Variants in MTUS1 observed in about 807,000 individuals in gnomAD.
The protein encoded by MTUS1 is microtubule-associated tumor suppressor 1.
MTUS1 carries 109 observed loss-of-function variants against 120.8 expected under a neutral mutation model. The observed-to-expected ratio is 0.90, with a 90% confidence interval of 0.77 to 1.06. The LOEUF is 1.06. Ranked by LOEUF, MTUS1 falls within the 50% of genes least tolerant of loss-of-function variation. The pLI is 0.00. For missense variants in MTUS1, 2,210 were observed against 1,486.3 expected (o/e 1.49, Z -8.01); for synonymous variants, 737 against 550.5 (o/e 1.34, Z -4.74).
At chr8:17,679,088 G>A (rs1449020230) in intron 7 of MTUS1, among the ~76,000 whole-genome samples, 2 of 152,152 alleles carry the variant, frequency 1.3e-5, no homozygotes, top group Non-Finnish European at 2.9e-5. Context: ...TAGTTACTAA[G>A]TAGACTTGCA....
At chr8:17,718,335 T>C (rs1822722757) in intron 4 of MTUS1, among the ~76,000 whole-genome samples, 1 of 152,222 alleles carries the variant, frequency 6.6e-6, no homozygotes, top group Non-Finnish European at 1.5e-5. Flanking sequence ...AGATGCATAA[T>C]AGTTTCCAGC....
intron 2 of MTUS1, among the ~76,000 whole-genome samples, chr8:17,745,786 G>C (rs1397686696): frequency 1.3e-5 from 2 of 152,072 alleles, no homozygotes; most frequent in African/African-American, 4.8e-5. Context: ...TTCCTTTTCT[G>C]GGTCCTATTC....
rs766983976 is a variant in MTUS1 at position 17,755,205 on chromosome 8, A to AGG, written c.602_603insCC (p.Ser202LeufsTer41). On this transcript the variant is annotated frameshift_variant, in exon 2 of 15. Transcript: ENST00000693296. LOFTEE classifies it high-confidence loss of function. Reference sequence around the variant, plus strand: ...ATGTCCAAGTGGAATAGGATAAAGAAGATGTACTTCCACTTCTCCTACCAG... The same window carrying AGG: ...ATGTCCAAGTGGAATAGGATAAAGAAGGGATGTACTTCCACTTCTCCTACCAG... 1.9e-6 allele frequency: 3 copies of AGG among 1,614,102 alleles called. No individual in the cohort carries two copies. Among genetic ancestry groups the AGG allele is most frequent in the African/African-American group, 2.7e-5 (2 of 74,944 alleles).
chr8:17,727,131 C>G (rs1477321186), intron 3 of MTUS1, among the ~76,000 whole-genome samples: 1 of 152,182 alleles, frequency 6.6e-6, no homozygotes, highest in Non-Finnish European at 1.5e-5. Flanking sequence ...GCAGCCAGTC[C>G]TCACCAAAGT....
At chr8:17,693,931 GAAGC>G (rs1161222904) in intron 6 of MTUS1, among the ~76,000 whole-genome samples, 1 of 152,202 alleles carries the variant, frequency 6.6e-6, no homozygotes, top group Non-Finnish European at 1.5e-5. Flanking sequence ...AGACAGTCTA[GAAGC>G]AAGGGAAAGG....
intron 1 of MTUS1, among the ~76,000 whole-genome samples, chr8:17,790,618 C>G (rs2036425): frequency 6.6e-6 from 1 of 152,096 alleles, no homozygotes; most frequent in East Asian, 1.9e-4. Flanking sequence ...TTCGGCTTTA[C>G]GTTCTGTGAT....
Position 17,755,568 on chromosome 8 carries a change from A to G in MTUS1, c.240T>C (p.Phe80=). ...AATCACTAGAAGACTTTTCATGACC[A>G]AATACTTCAACACCCTGAAGGCTTA... ...ISLSLQGVEV[F]GHEKSSSDFI... Residue 80 remains phenylalanine, a synonymous_variant, in exon 2 of 15, where the codon TTT becomes TTC. Transcript: ENST00000693296. The G allele has an allele frequency of 6.2e-7, 1 of 1,614,220 alleles. No individual in the cohort carries two copies. The highest frequency in any genetic ancestry group is 8.5e-7 in the Non-Finnish European group (1 of 1,180,026).
intron 6 of MTUS1, among the ~76,000 whole-genome samples, chr8:17,712,106 C>T (rs990154614): frequency 6.6e-6 from 1 of 152,118 alleles, no homozygotes; most frequent in Non-Finnish European, 1.5e-5. Context: ...ATGTAACACA[C>T]AGACATGAAG....
chr8:17,758,153 G>T (rs1006997400), intron 1 of MTUS1: 33 of 152,160 alleles, frequency 2.2e-4, no homozygotes, highest in Non-Finnish European at 1.5e-5. Flanking sequence ...ATGAAGAGTA[G>T]GTCTCATTTT....
intron 3 of MTUS1, among the ~76,000 whole-genome samples, chr8:17,728,816 T>C (rs768466354): frequency 6.6e-6 from 1 of 152,092 alleles, no homozygotes; most frequent in African/African-American, 2.4e-5. Flanking sequence ...TTTTTTAGCA[T>C]TTACATCAGA....
intron 6 of MTUS1, among the ~76,000 whole-genome samples, chr8:17,707,507 A>G (rs1217478874): frequency 6.6e-6 from 1 of 152,172 alleles, no homozygotes; most frequent in Admixed American, 6.5e-5. Flanking sequence ...ATTAAGCTGC[A>G]ATGTTGACCC....
intron 8 of MTUS1, among the ~76,000 whole-genome samples, chr8:17,657,533 A>G (rs1185940344): frequency 6.6e-6 from 1 of 150,526 alleles, no homozygotes; most frequent in Non-Finnish European, 1.5e-5. Flanking sequence ...CCGCCACTGC[A>G]CTCCAGCCTG....
chr8:17,656,945 G>A (rs901656272), intron 8 of MTUS1, among the ~76,000 whole-genome samples: 1 of 150,756 alleles, frequency 6.6e-6, no homozygotes, highest in Non-Finnish European at 1.5e-5. Flanking sequence ...TGTAGTCCCA[G>A]CTACTCGGGA....
chr8:17,801,188 G>T (rs1043371699), upstream of MTUS1, among the ~76,000 whole-genome samples: 1 of 151,584 alleles, frequency 6.6e-6, no homozygotes, highest in Non-Finnish European at 1.5e-5. Flanking sequence ...GCACCTGGGG[G>T]CGCGCGGCGC....
rs184113854 is a variant in MTUS1, at chr8:17,729,067, T to G, written c.2288-5234A>C. ...ACAGACACAGTTAAAATACGAGACA[T>G]GAGAATATGTATTTTTTTTCCAGTT... On this transcript the variant is annotated intron_variant, in intron 3 of 14. Transcript: ENST00000693296. Among the ~76,000 whole-genome samples, 256 of 152,306 alleles carry G rather than the reference T, an allele frequency of 1.7e-3. 1 individual carries two copies. The highest frequency in any genetic ancestry group is 1.8e-3 in the Non-Finnish European group (121 of 68,018).
At chr8:17,718,496 G>T (rs1053643395) in intron 4 of MTUS1, among the ~76,000 whole-genome samples, 2 of 152,118 alleles carry the variant, frequency 1.3e-5, no homozygotes, top group African/African-American at 4.8e-5. Context: ...GGAATAGACA[G>T]TGCATTTGCC....
rs182028222 is a variant in MTUS1 at position 17,679,836 on chromosome 8, T to C, written c.2838+4492A>G. ...TTTTATAATAGTGCTCAGTATACAT[T>C]ACACAATCAGTAAATATTTGCTGAT... On this transcript the variant is annotated intron_variant, in intron 7 of 14. Coordinates refer to ENST00000693296, the MANE Select transcript of MTUS1 (RefSeq NM_001363059.2). 4.1e-3 allele frequency among the ~76,000 whole-genome samples: 624 copies of C among 152,266 alleles called. 3 individuals are homozygous for C. Among genetic ancestry groups the C allele is most frequent in the South Asian group, 0.023 (110 of 4,816 alleles).
At chr8:17,670,388 T>C (rs1019025362) in intron 8 of MTUS1, among the ~76,000 whole-genome samples, 1 of 152,220 alleles carries the variant, frequency 6.6e-6, no homozygotes, top group African/African-American at 2.4e-5. Context: ...ACCCTTGCTA[T>C]ATACTATGAC....
At position 17,732,187 on chromosome 8, in the gene MTUS1, T is replaced by C. The variant is rs537062183; in HGVS notation, c.2288-8354A>G. 3.9e-4 allele frequency among the ~76,000 whole-genome samples: 59 copies of C among 152,280 alleles called. 2 individuals are homozygous for C. In the South Asian group the frequency reaches 0.012, roughly 30 times the overall value. ...GACAAAGCCACATGCTGATGTGAGA[T>C]GAGTGGAGAGGCAGAAAGAGGACAT... On this transcript the variant is annotated intron_variant, in intron 3 of 14. Transcript: ENST00000693296.
Sources: gnomAD v4.1 joint callset for allele counts (sites outside exome capture counted in the v4.1 genomes callset) on GRCh38, gnomAD v4.1.1 for gene constraint, MANE v1.5 for transcripts, NCBI Gene and HGNC (gene_info 2026-07-23, HGNC 2026-07-21) for gene names.